Variants in SPOCK3 observed in about 807,000 individuals in gnomAD.
The protein encoded by SPOCK3 is SPARC (osteonectin), cwcv and kazal like domains proteoglycan 3.
Under a neutral mutation model 56.6 loss-of-function variants are expected in SPOCK3, and 30 were observed. The ratio of observed to expected loss-of-function variants is 0.53; its 90% confidence interval spans 0.40 to 0.72. The LOEUF is 0.72. SPOCK3 is among the 30% of genes least tolerant of loss of function. The probability of loss-of-function intolerance (pLI) is 0.00; values close to 1 mark genes in which losing one functional copy is unlikely to be tolerated. For synonymous variants in SPOCK3, 196 were observed against 183.3 expected (o/e 1.07, Z -0.56); for missense variants, 527 against 530.0 (o/e 0.99, Z 0.06).
At chr4:166,839,562 C>T (rs1326552123) in intron 6 of SPOCK3, among the ~76,000 whole-genome samples, 2 of 152,084 alleles carry the variant, frequency 1.3e-5, no homozygotes, top group Non-Finnish European at 2.9e-5. Flanking sequence ...CCTAACTCCA[C>T]ACTAATGGAT....
intron 2 of SPOCK3, among the ~76,000 whole-genome samples, chr4:167,174,944 G>T (rs1021580682): frequency 7.2e-5 from 11 of 152,056 alleles, no homozygotes; most frequent in African/African-American, 2.7e-4. Context: ...CACTGATCCA[G>T]GACAAATCTA....
intron 3 of SPOCK3, among the ~76,000 whole-genome samples, chr4:167,029,446 AC>A (rs1387578618): frequency 7.2e-5 from 11 of 152,098 alleles, no homozygotes; most frequent in Admixed American, 7.2e-4. Context: ...TTTGAAATAT[AC>A]CTTTCAGATG....
intron 4 of SPOCK3, among the ~76,000 whole-genome samples, chr4:166,964,973 G>A (rs1744558340): frequency 6.6e-6 from 1 of 151,776 alleles, no homozygotes; most frequent in Non-Finnish European, 1.5e-5. Context: ...TCTTGTGTTG[G>A]GACTTTTCAG....
intron 9 of SPOCK3, among the ~76,000 whole-genome samples, chr4:166,740,510 TATTATTATTATTATTATTATC>T (rs540987057): frequency 0.11 from 10,735 of 94,108 alleles, 1,254 homozygotes; most frequent in African/African-American, 0.31. Context: ...TTATTATTAT[TATTATTATTATTATTATTATC>T]ATTATTATTT....
At chr4:167,197,171 G>A (rs558425359) in intron 2 of SPOCK3, among the ~76,000 whole-genome samples, 1 of 152,150 alleles carries the variant, frequency 6.6e-6, no homozygotes, top group South Asian at 2.1e-4. Context: ...TCTAGCCTTG[G>A]GATGGATTAT....
At chr4:167,017,354 T>A (rs139538848) in intron 3 of SPOCK3, among the ~76,000 whole-genome samples, 1 of 152,094 alleles carries the variant, frequency 6.6e-6, no homozygotes, top group Non-Finnish European at 1.5e-5. Flanking sequence ...GAAATCTTTG[T>A]TTGCACTTTT....
chr4:166,743,906 AG>A (rs1048259022), intron 8 of SPOCK3, among the ~76,000 whole-genome samples: 5 of 152,060 alleles, frequency 3.3e-5, no homozygotes, highest in Non-Finnish European at 7.4e-5. Flanking sequence ...AGACTGGGGG[AG>A]GGGGGTCCAC....
chr4:166,827,851 A>G (rs1192284086), intron 6 of SPOCK3, among the ~76,000 whole-genome samples: 3 of 151,356 alleles, frequency 2.0e-5, no homozygotes, highest in Non-Finnish European at 4.4e-5. Flanking sequence ...AAAAAAAAAA[A>G]CTGTATGACT....
intron 6 of SPOCK3, among the ~76,000 whole-genome samples, chr4:166,830,513 G>A (rs1226855555): frequency 6.6e-6 from 1 of 152,144 alleles, no homozygotes; most frequent in African/African-American, 2.4e-5. Context: ...GGGAGGCTGA[G>A]GCAAGAGGAT....
At chr4:167,055,414 T>C (rs936529002) in intron 3 of SPOCK3, among the ~76,000 whole-genome samples, 2 of 152,246 alleles carry the variant, frequency 1.3e-5, no homozygotes, top group African/African-American at 4.8e-5. Context: ...TCTGAGGTAC[T>C]GGGTTCATCT....
At chr4:166,859,185 T>C (rs1411740163) in intron 6 of SPOCK3, among the ~76,000 whole-genome samples, 1 of 152,182 alleles carries the variant, frequency 6.6e-6, no homozygotes, top group African/African-American at 2.4e-5. Context: ...CAGCAGGCTA[T>C]GCCATCTAGG....
intron 4 of SPOCK3, among the ~76,000 whole-genome samples, chr4:166,928,241 G>A (rs1480097496): frequency 6.6e-6 from 1 of 152,140 alleles, no homozygotes; most frequent in Non-Finnish European, 1.5e-5. Context: ...TACACAAAAA[G>A]TTGAAAAGGT....
intron 2 of SPOCK3, among the ~76,000 whole-genome samples, chr4:167,148,434 AG>A (rs565535132): frequency 9.3e-4 from 141 of 152,236 alleles, no homozygotes; most frequent in Non-Finnish European, 1.1e-3. Flanking sequence ...TTCACAAATG[AG>A]GCATAGTGGC....
intron 2 of SPOCK3, among the ~76,000 whole-genome samples, chr4:167,206,663 G>C (rs1454151759): frequency 6.6e-6 from 1 of 151,932 alleles, no homozygotes. Context: ...TATATCAACT[G>C]AACACAATAA....
At chr4:166,735,177 T>TA (rs1734101588) in intron 10 of SPOCK3, 87 bp from the exon 11 acceptor site, 1 of 809,296 alleles carries the variant, frequency 1.2e-6, no homozygotes, top group Non-Finnish European at 1.9e-6. Context: ...AAATTAAGAA[T>TA]ATTTTTTAGA....
intron 4 of SPOCK3, among the ~76,000 whole-genome samples, chr4:166,972,324 T>G (rs1561071384): frequency 1.3e-5 from 2 of 152,146 alleles, no homozygotes; most frequent in Admixed American, 6.6e-5. Flanking sequence ...AATAAGAAAC[T>G]TAAATGCACC....
chr4:166,769,701 A>T (rs1738666610), intron 7 of SPOCK3, among the ~76,000 whole-genome samples: 1 of 151,400 alleles, frequency 6.6e-6, no homozygotes, highest in South Asian at 2.1e-4. Context: ...GAGAAGCACT[A>T]CTCTCTTCAA....
chr4:166,800,471 C>G (rs907168515), intron 6 of SPOCK3, among the ~76,000 whole-genome samples: 4 of 151,906 alleles, frequency 2.6e-5, no homozygotes, highest in African/African-American at 9.7e-5. Context: ...CTGTCAATGC[C>G]CCTGAAGAGC....
chr4:167,128,981 T>G (rs892553034), intron 2 of SPOCK3, among the ~76,000 whole-genome samples: 3 of 152,118 alleles, frequency 2.0e-5, no homozygotes, highest in African/African-American at 7.2e-5. Flanking sequence ...TGATGAGAAA[T>G]GACCCTGAGA....
Sources: allele counts gnomAD v4.1 joint callset (sites outside exome capture counted in the v4.1 genomes callset), GRCh38; gene constraint gnomAD v4.1.1; transcripts MANE v1.5; gene names NCBI Gene and HGNC (gene_info 2026-07-23, HGNC 2026-07-21).